The following LRRC37A2 variants were observed in gnomAD, a reference collection of about 807,000 sequenced individuals.
The protein encoded by LRRC37A2 is leucine rich repeat containing 37 member A2, also known as leucine-rich repeat-containing protein 37A2.
A neutral mutation model predicts 68.8 loss-of-function variants in LRRC37A2; 9 were observed. That is an observed-to-expected ratio of 0.13 (90% CI 0.08 to 0.23). The LOEUF is 0.23. Among genes scored for constraint, LRRC37A2 ranks in the 10% least tolerant of loss-of-function variants. LRRC37A2 has a pLI of 1.00. For missense variants in LRRC37A2, 168 were observed against 950.4 expected (o/e 0.18, Z 10.82); for synonymous variants, 63 against 367.6 (o/e 0.17, Z 9.48).
At chr17:46,916,345 G>A in the LRRC37A2 span, among the ~76,000 whole-genome samples, 1 of 152,142 alleles carries the variant, frequency 6.6e-6, no homozygotes, top group Non-Finnish European at 1.5e-5. Flanking sequence ...CCACCCATGG[G>A]CCCTGAGCCT....
the LRRC37A2 span, chr17:46,923,161 G>C: frequency 7.0e-7 from 1 of 1,427,062 alleles, no homozygotes; most frequent in Non-Finnish European, 9.7e-7. Flanking sequence ...GAGGAAGCCA[G>C]AGCCGGAGCC....
chr17:46,978,910 C>T, the LRRC37A2 span: 2 of 1,475,640 alleles, frequency 1.4e-6, no homozygotes, highest in South Asian at 1.3e-5. Context: ...CAGCCACGTG[C>T]CCAGCCCGTG....
the LRRC37A2 span, chr17:46,711,211 C>CT: frequency 2.5e-6 from 3 of 1,216,254 alleles, no homozygotes; most frequent in Non-Finnish European, 3.3e-6. Context: ...AAAGTGAATT[C>CT]TTTTTCGTTT....
At chr17:46,392,431 C>CTCTCTCTTTCTTTCTT in the LRRC37A2 span, among the ~76,000 whole-genome samples, 1 of 29,690 alleles carries the variant, frequency 3.4e-5, no homozygotes, top group East Asian at 5.1e-4. Context: ...CTTTCTTTCT[C>CTCTCTCTTTCTTTCTT]TCTTTCTTTC....
At chr17:46,528,714 G>T in intron 6 of LRRC37A2, 1 of 655,704 alleles carries the variant, frequency 1.5e-6, no homozygotes, top group East Asian at 2.8e-5. Flanking sequence ...AACAGAGTGA[G>T]ACTTCATCTC....
At chr17:46,785,063 C>T in the LRRC37A2 span, among the ~76,000 whole-genome samples, 2 of 152,178 alleles carry the variant, frequency 1.3e-5, no homozygotes, top group African/African-American at 4.8e-5. Context: ...AGGCGTGAGC[C>T]ACCGTGCCCG....
At chr17:46,826,672 G>T in the LRRC37A2 span, among the ~76,000 whole-genome samples, 2 of 152,010 alleles carry the variant, frequency 1.3e-5, no homozygotes, top group African/African-American at 2.4e-5. Flanking sequence ...GTCTCAAAAA[G>T]ACAATTGCCT....
the LRRC37A2 span, among the ~76,000 whole-genome samples, chr17:46,771,188 G>C: frequency 6.6e-6 from 1 of 152,190 alleles, no homozygotes; most frequent in Non-Finnish European, 1.5e-5. Flanking sequence ...TTCCAACGAC[G>C]GGAGGGCGAA....
the LRRC37A2 span, among the ~76,000 whole-genome samples, chr17:46,751,915 A>G: frequency 6.6e-6 from 1 of 152,124 alleles, no homozygotes; most frequent in Non-Finnish European, 1.5e-5. Flanking sequence ...CTGCCCCCTC[A>G]TTTTGGAGAT....
chr17:47,014,515 T>TGA, the LRRC37A2 span, among the ~76,000 whole-genome samples: 33 of 152,226 alleles, frequency 2.2e-4, no homozygotes, highest in African/African-American at 8.0e-4. Flanking sequence ...CAGGAAAATG[T>TGA]GAAACTCTGA....
the LRRC37A2 span, among the ~76,000 whole-genome samples, chr17:46,800,467 G>A: frequency 3.3e-5 from 5 of 152,212 alleles, no homozygotes; most frequent in African/African-American, 4.8e-5. Context: ...TGTGAGGCTC[G>A]CTAGTGATGC....
At chr17:46,755,212 G>A in the LRRC37A2 span, 1 of 807,806 alleles carries the variant, frequency 1.2e-6, no homozygotes. Flanking sequence ...ACCTAGCAGA[G>A]CATTGATGAA....
the LRRC37A2 span, among the ~76,000 whole-genome samples, chr17:46,448,536 G>A: frequency 6.8e-6 from 1 of 147,124 alleles, no homozygotes; most frequent in African/African-American, 2.5e-5. Context: ...TTCTATGAAT[G>A]GGTACATGTT....
At chr17:46,927,214 A>T in the LRRC37A2 span, among the ~76,000 whole-genome samples, 2 of 151,052 alleles carry the variant, frequency 1.3e-5, no homozygotes, top group Non-Finnish European at 2.9e-5. Flanking sequence ...TTTTTCATTT[A>T]AAAAAAATGC....
At chr17:46,893,199 G>A in the LRRC37A2 span, among the ~76,000 whole-genome samples, 1 of 152,186 alleles carries the variant, frequency 6.6e-6, no homozygotes, top group East Asian at 1.9e-4. Flanking sequence ...CTCCCAAAGT[G>A]CTAGGATTAC....
the LRRC37A2 span, among the ~76,000 whole-genome samples, chr17:46,917,879 T>C: frequency 1.9e-3 from 288 of 152,290 alleles, no homozygotes; most frequent in African/African-American, 6.8e-3. Flanking sequence ...TAGTGAGAAA[T>C]AGCACATTTG....
the LRRC37A2 span, among the ~76,000 whole-genome samples, chr17:46,816,600 C>A: frequency 6.6e-6 from 1 of 152,084 alleles, no homozygotes; most frequent in South Asian, 2.1e-4. Flanking sequence ...TATGTTAGGG[C>A]CAATGTCTTG....
At chr17:46,738,786 A>G in the LRRC37A2 span, among the ~76,000 whole-genome samples, 2 of 152,260 alleles carry the variant, frequency 1.3e-5, no homozygotes, top group African/African-American at 2.4e-5. Flanking sequence ...ACCAGGATTC[A>G]TGAGCTGTTC....
the LRRC37A2 span, chr17:46,768,704 A>C: frequency 6.2e-7 from 1 of 1,614,100 alleles, no homozygotes; most frequent in Non-Finnish European, 8.5e-7. This position sits in a 1 kb window ranked among gnomAD's most constrained non-coding sequence, Gnocchi z 5.0. Flanking sequence ...CACCGATGGC[A>C]CGGAAGTCAG....
Sources: gnomAD v4.1 joint callset for allele counts (sites outside exome capture counted in the v4.1 genomes callset) on GRCh38, gnomAD v4.1.1 for gene constraint, Gnocchi (gnomAD v3.1) non-coding constraint, MANE v1.5 for transcripts, NCBI Gene and HGNC (gene_info 2026-07-23, HGNC 2026-07-21) for gene names.